TSPOAP1: variants seen among roughly 807,000 people sequenced by gnomAD.
TSPOAP1 encodes the protein peripheral-type benzodiazepine receptor-associated protein 1.
TSPOAP1 carries 87 observed loss-of-function variants against 197.0 expected under a neutral mutation model. The ratio of observed to expected loss-of-function variants is 0.44; its 90% CI spans 0.37 to 0.53. The LOEUF is 0.53. Ranked by LOEUF, TSPOAP1 falls within the 20% of genes least tolerant of loss-of-function variation. The probability of loss-of-function intolerance (pLI) is 0.00; values close to 1 mark genes in which losing one functional copy is unlikely to be tolerated. For synonymous variants in TSPOAP1, 913 were observed against 998.9 expected, an observed-to-expected ratio of 0.91 and a Z score of 1.62; for missense variants, 2,174 against 2,411.3, an observed-to-expected ratio of 0.90 and a Z score of 2.06.
chr17:58,326,906 T>G lies in TSPOAP1; in HGVS notation c.334-116A>C, dbSNP rs1231907876. 3.5e-6 allele frequency: 3 copies of G among 850,368 alleles called. No individual in the cohort carries two copies. Among genetic ancestry groups the G allele is most frequent in the Non-Finnish European group, 5.8e-6 (3 of 519,072 alleles). The allele number at this position is 850,368 out of a possible 1,614,324, so 52.7% of individuals were successfully genotyped here. ...CAAGGAGACATGGAGATGAAACGGT[T>G]TCCCCTATGTCCCAGGCCTTCAGAG... On this transcript the variant is annotated intron_variant, in intron 1 of 31. Coordinates refer to ENST00000343736, the MANE Select transcript of TSPOAP1 (RefSeq NM_004758.4). The surrounding 1 kb of genome is among the most constrained non-coding windows in gnomAD (Gnocchi z 4.7).
rs1304092974 is a variant in TSPOAP1 at position 58,325,746 on chromosome 17, C to T, written c.571-33G>A. ...GAGGAGGGGTAAGGCCAATGGTCAC[C>T]TGAGGGCTGGGGCACTTCTCCCACT... is the stretch of plus-strand genomic sequence containing the variant. On this transcript the variant is annotated intron_variant, in intron 3 of 31. Coordinates refer to ENST00000343736, the MANE Select transcript of TSPOAP1 (RefSeq NM_004758.4). 3 of 1,566,198 alleles carry T rather than the reference C, an allele frequency of 1.9e-6. No individual in the cohort carries two copies. The South Asian group carries it at 3.5e-5, about 18-fold the overall frequency.
At chr17:58,317,696 G>C (rs1567846326) in intron 14 of TSPOAP1, among the ~76,000 whole-genome samples, 1 of 152,212 alleles carries the variant, frequency 6.6e-6, no homozygotes, top group Non-Finnish European at 1.5e-5. Flanking sequence ...GACGACCAGA[G>C]CTATGAGTGA....
At chr17:58,319,661 C>T (rs2143098689) in intron 12 of TSPOAP1, among the ~76,000 whole-genome samples, 1 of 152,370 alleles carries the variant, frequency 6.6e-6, no homozygotes, top group Non-Finnish European at 1.5e-5. Flanking sequence ...TTCTCAGCTC[C>T]ACTGCTCATC....
Position 58,312,182 on chromosome 17 carries a change from C to A in TSPOAP1, c.2639G>T (p.Arg880Leu), listed in dbSNP as rs557342982. Residue 880 changes from arginine (R) to leucine (L), a missense_variant, in exon 17 of 32, where the codon CGG (arginine) becomes CTG (leucine). Physicochemically the swap from Arg to Leu is moderately radical, Grantham distance 102. Transcript: ENST00000343736. ...PLRCCLAVGARAGVVPSQLRV... is the reference protein window; with the variant it reads ...PLRCCLAVGALAGVVPSQLRV... ...CAGCTGGCTGGGCACCACTCCGGCC[C>A]GGGCACCCACCGCCAAGCAACAGCG... 1 of 1,612,886 alleles carries A rather than the reference C, an allele frequency of 6.2e-7. No homozygotes were observed.
At chr17:58,319,021 G>C in intron 13 of TSPOAP1, 69 bp downstream of exon 13, 1 of 1,413,968 alleles carries the variant, frequency 7.1e-7, no homozygotes, top group African/African-American at 1.4e-5. Context: ...CTCTGATCCT[G>C]AACTCCCTGC....
At chr17:58,302,495 G>T in intron 31 of TSPOAP1, 48 bp from the exon 32 acceptor site, 1 of 1,168,732 alleles carries the variant, frequency 8.6e-7, no homozygotes, top group South Asian at 1.6e-5. Flanking sequence ...ATTCCCTCCT[G>T]ACCCCCTGAC....
chr17:58,324,827 G>GGAGCAGGCGCCCCTGCTCTGGCCTGGA lies in TSPOAP1; in HGVS notation c.899_925dup (p.Leu300_Ala308dup). On this transcript the variant is annotated inframe_insertion, in exon 5 of 32. Coordinates refer to ENST00000343736, the MANE Select transcript of TSPOAP1 (RefSeq NM_004758.4). The surrounding 1 kb of genome is among the most constrained non-coding windows in gnomAD (Gnocchi z 5.8). Reference sequence around the variant, plus strand: ...GGCGCTCACCTCTCCCGGGGCCCCGGGAGCAGGCGCCCCTGCTCTGGCCTG... The same window carrying GGAGCAGGCGCCCCTGCTCTGGCCTGGA: ...GGCGCTCACCTCTCCCGGGGCCCCGGGAGCAGGCGCCCCTGCTCTGGCCTGGAGAGCAGGCGCCCCTGCTCTGGCCTG... 6.8e-7 allele frequency: 1 copy of GGAGCAGGCGCCCCTGCTCTGGCCTGGA among 1,470,446 alleles called. No homozygotes were observed. The highest frequency in any genetic ancestry group is 9.0e-7 in the Non-Finnish European group (1 of 1,115,160). The allele number at this position is 1,470,446 out of a possible 1,614,324, so 91.1% of individuals were successfully genotyped here. A position where few individuals can be genotyped will look rare whatever the true frequency, so the allele number is the denominator to read the frequency against.
Position 58,312,028 on chromosome 17 carries a change from G to A in TSPOAP1, c.2793C>T (p.Thr931=), listed in dbSNP as rs747122276. The part of the protein sequence containing the change: ...PPASPSTYWA[T]FCHLRPGTPY... ...GTGTGCCAGGCCGTAAGTGGCAGAAGGTGGCCCAGTAGGTACTGGGGCTGG... is the reference window on the plus strand; with the variant it reads ...GTGTGCCAGGCCGTAAGTGGCAGAAAGTGGCCCAGTAGGTACTGGGGCTGG... Residue 931 remains threonine (T), a synonymous_variant, in exon 17 of 32, where the codon ACC becomes ACT. Transcript: ENST00000343736. 59 of 1,613,430 alleles carry A rather than the reference G, an allele frequency of 3.7e-5. No homozygotes were observed. Among genetic ancestry groups the A allele is most frequent in the Non-Finnish European group, 4.9e-5 (58 of 1,179,948 alleles).
rs558284249 is a variant in TSPOAP1, at chr17:58,310,300, C to T, written c.3700-142G>A. On this transcript the variant is annotated intron_variant, in intron 20 of 31. Transcript: ENST00000343736. ...CATGTCCTAAATGGGGGAGGCACAC[C>T]ATGGCTCAGGGGCAGGGTGGGAGAA... is the stretch of plus-strand genomic sequence containing the variant. 12 of 1,131,168 alleles carry T rather than the reference C, an allele frequency of 1.1e-5. No homozygotes were observed. In the African/African-American group the frequency reaches 1.9e-4, roughly 18 times the overall value. 70.1% of individuals were successfully genotyped at this position (1,131,168 alleles called of 1,614,324 possible). A position where few individuals can be genotyped will look rare whatever the true frequency, so the allele number is the denominator to read the frequency against.
At position 58,305,566 on chromosome 17, in the gene TSPOAP1, C is replaced by G. The variant is rs781778844; in HGVS notation, c.5335G>C (p.Glu1779Gln). 6 of 1,592,394 alleles carry G rather than the reference C, an allele frequency of 3.8e-6. No individual in the cohort carries two copies. The highest frequency in any genetic ancestry group is 3.4e-6 in the Non-Finnish European group (4 of 1,169,410). Residue 1779 changes from glutamate to glutamine, a missense_variant, in exon 28 of 32, where the codon GAG becomes CAG. Glu to Gln is a conservative substitution (Grantham distance 29, BLOSUM62 2). Transcript: ENST00000343736. ...TCCACGTCCATATTGGGGGAACTCT[C>G]CTGGGGGTTGTAGTCAAATGCAGCC... is the stretch of plus-strand genomic sequence containing the variant. ...MVAAFDYNPQ[E>Q]SSPNMDVEAE...
At position 58,326,804 on chromosome 17, in the gene TSPOAP1, G is replaced by A. The variant is rs766545831; in HGVS notation, c.334-14C>T. The stretch of plus-strand genomic sequence containing the variant: ...ATTCAGCTTGGCCTGGCATGGGAAA[G>A]GACCGAGGACAGCACCTCAGAAACC... On this transcript the variant is annotated splice_polypyrimidine_tract_variant and intron_variant, in intron 1 of 31. Coordinates refer to ENST00000343736, the MANE Select transcript of TSPOAP1 (RefSeq NM_004758.4). This position sits in a 1 kb window ranked among gnomAD's most constrained non-coding sequence, Gnocchi z 4.7. The A allele has an allele frequency of 2.5e-6, 4 of 1,611,990 alleles. No homozygotes were observed. The Admixed American group carries it at 6.7e-5, about 27-fold the overall frequency.
rs1329927924 is a variant in TSPOAP1 at position 58,323,449 on chromosome 17, C to T, written c.1020+19G>A. On this transcript the variant is annotated intron_variant, in intron 6 of 31. Transcript: ENST00000343736. ...TCTGCCCACAGCAGGCTGCCTCCAG[C>T]CCTTGACCTAGGACTTACCAGCTGC... 8 of 1,614,116 alleles carry T rather than the reference C, an allele frequency of 5.0e-6. No homozygotes were observed. The highest frequency in any genetic ancestry group is 5.9e-6 in the Non-Finnish European group (7 of 1,180,028).
chr17:58,308,673 T>C lies in TSPOAP1; in HGVS notation c.4599A>G (p.Val1533=). Residue 1533 remains valine, a synonymous_variant, in exon 22 of 32, where the codon GTA becomes GTG. Transcript: ENST00000343736. ...CCTTCGGAGGCCCCCTGGGCCTTCCTACAGTTGCTGTGCCCCAGGCCTCCC... is the reference window on the plus strand; with the variant it reads ...CCTTCGGAGGCCCCCTGGGCCTTCCCACAGTTGCTGTGCCCCAGGCCTCCC... ...GDGEAWGTAT[V]GRPRGPPKAN... is the part of the protein sequence containing the mutation. 1.2e-6 allele frequency: 2 copies of C among 1,612,620 alleles called. No individual in the cohort carries two copies. The highest frequency in any genetic ancestry group is 1.7e-6 in the Non-Finnish European group (2 of 1,179,654).
chr17:58,307,788 G>A, intron 23 of TSPOAP1, 26 bp from the exon 24 acceptor site: 1 of 1,613,768 alleles, frequency 6.2e-7, no homozygotes, highest in Non-Finnish European at 8.5e-7. Flanking sequence ...AGAGGGCGGT[G>A]ACGCAGCGAG....
rs146622872 is a variant in TSPOAP1, at chr17:58,312,462, C to T, written c.2359G>A (p.Glu787Lys). Residue 787 changes from glutamate (E) to lysine (K), a missense_variant, in exon 17 of 32, where the codon GAG becomes AAG. By Grantham distance (56) the Glu-to-Lys change is moderately conservative. Around this residue, in one of 5 missense-constraint regions of TSPOAP1, gnomAD observed 1,933 missense variants for 2,139.0 expected, o/e 0.90. Coordinates refer to ENST00000343736, the MANE Select transcript of TSPOAP1 (RefSeq NM_004758.4). ...CGGGGGTAAGGCACGGCAGGAGGCT[C>T]GCCCAGGCCCTCCGGTGATGGGCTC... ...SLSPSPEGLG[E>K]PPAVPYPRRL... 1,704 of 1,611,678 alleles carry T rather than the reference C, an allele frequency of 1.1e-3. 7 individuals are homozygous for T. In the Middle Eastern group the frequency reaches 0.013, roughly 12 times the overall value.
At chr17:58,323,216 A>G in intron 7 of TSPOAP1, 82 bp downstream of exon 7, 3 of 1,535,006 alleles carry the variant, frequency 2.0e-6, no homozygotes, top group Non-Finnish European at 2.7e-6. Context: ...CAGGGGTGGG[A>G]GCAGAGCTGA....
chr17:58,325,587 C>T lies in TSPOAP1; in HGVS notation c.697G>A (p.Ala233Thr), dbSNP rs751912668. ...AGCTCCCTGCACTCCCGCTGCAAGG[C>T]AGCAATCTGCTTGTCCTTGGCCAGC... ...ALLAKDKQIAALQRECRELQA... is the reference protein window; with the variant it reads ...ALLAKDKQIATLQRECRELQA... The change falls in exon 4 of 32, where the codon GCC becomes ACC. Residue 233 changes from alanine (A) to threonine (T), a missense_variant. Transcript: ENST00000343736. 6.2e-7 allele frequency: 1 copy of T among 1,613,468 alleles called. No individual in the cohort carries two copies. Among genetic ancestry groups the T allele is most frequent in the Non-Finnish European group, 8.5e-7 (1 of 1,180,030 alleles).
At chr17:58,321,180 C>G (rs1971394558) in intron 10 of TSPOAP1, among the ~76,000 whole-genome samples, 1 of 152,196 alleles carries the variant, frequency 6.6e-6, no homozygotes, top group Admixed American at 6.5e-5. Context: ...CTCAGATCTG[C>G]TGCCCCTTCA....
chr17:58,316,858 G>A (rs928723574), intron 14 of TSPOAP1, among the ~76,000 whole-genome samples: 3 of 152,208 alleles, frequency 2.0e-5, no homozygotes, highest in African/African-American at 4.8e-5. Context: ...GCTGGTGTGG[G>A]GAGTGGGTGT....
Sources: allele counts gnomAD v4.1 joint callset (sites outside exome capture counted in the v4.1 genomes callset), GRCh38; gene constraint gnomAD v4.1.1; regional missense constraint gnomAD v4.1.1; non-coding constraint Gnocchi (gnomAD v3.1); transcripts MANE v1.5; gene names NCBI Gene and HGNC (gene_info 2026-07-23, HGNC 2026-07-21).